The following EPM2A variants were observed in gnomAD, a reference collection of about 807,000 sequenced individuals.
EPM2A encodes the protein EPM2A glucan phosphatase, laforin.
A neutral mutation model predicts 26.5 loss-of-function variants in EPM2A; 21 were observed. That is an observed-to-expected ratio of 0.79 (90% CI 0.56 to 1.14). The LOEUF (loss-of-function observed/expected upper bound fraction) is 1.14. Among genes scored for constraint, EPM2A ranks in the 50% most tolerant of loss-of-function variants. EPM2A has a pLI of 0.00. For synonymous variants in EPM2A, 217 were observed against 177.6 expected (o/e 1.22, Z -1.76); for missense variants, 458 against 440.8 (o/e 1.04, Z -0.35).
At chr6:145,535,656 C>T (rs528285280) in intron 2 of EPM2A, among the ~76,000 whole-genome samples, 1 of 152,296 alleles carries the variant, frequency 6.6e-6, no homozygotes, top group Admixed American at 6.5e-5. Context: ...AAAAATAGCT[C>T]AATTAGCACT....
intron 2 of EPM2A, chr6:145,636,550 G>A (rs1477109683): frequency 2.0e-5 from 3 of 152,054 alleles, no homozygotes; most frequent in Admixed American, 6.6e-5. Flanking sequence ...GAAAGACAGT[G>A]GTGGATCTTC....
intron 3 of EPM2A, chr6:145,502,422 C>A: frequency 2.2e-6 from 1 of 445,312 alleles, no homozygotes; most frequent in Non-Finnish European, 4.5e-6. Flanking sequence ...GCAGTGTCCT[C>A]TGAATGACTG....
chr6:145,702,075 C>A, intron 1 of EPM2A, among the ~76,000 whole-genome samples: 1 of 152,162 alleles, frequency 6.6e-6, no homozygotes, highest in Non-Finnish European at 1.5e-5. Flanking sequence ...CTCTGCCCAA[C>A]AGCATCTCTT....
chr6:145,495,539 C>A (rs57862787), intron 4 of EPM2A, among the ~76,000 whole-genome samples: 5 of 151,982 alleles, frequency 3.3e-5, no homozygotes, highest in Non-Finnish European at 5.9e-5. Flanking sequence ...ATGATGCTAC[C>A]TGATTGTTTT....
chr6:145,604,358 T>A (rs1781455484), intron 2 of EPM2A, among the ~76,000 whole-genome samples: 2 of 152,130 alleles, frequency 1.3e-5, no homozygotes, highest in South Asian at 4.1e-4. Flanking sequence ...ACATATTAGA[T>A]GTTTGGATAC....
chr6:145,641,585 C>T (rs2128569066), intron 2 of EPM2A, among the ~76,000 whole-genome samples: 1 of 152,328 alleles, frequency 6.6e-6, no homozygotes, highest in South Asian at 2.1e-4. Context: ...GTCATTCAAT[C>T]ATCCAGACTC....
chr6:145,478,909 GGTCA>G (rs2114731549), intron 4 of EPM2A, among the ~76,000 whole-genome samples: 1 of 151,642 alleles, frequency 6.6e-6, no homozygotes, highest in African/African-American at 2.4e-5. Context: ...CTTGATTTGT[GGTCA>G]GTTTCTTTGT....
intron 1 of EPM2A, among the ~76,000 whole-genome samples, chr6:145,694,862 G>A (rs1232155239): frequency 6.6e-6 from 1 of 151,912 alleles, no homozygotes; most frequent in Non-Finnish European, 1.5e-5. Flanking sequence ...TACAGTTCCT[G>A]AGATAAAGAA....
intron 1 of EPM2A, among the ~76,000 whole-genome samples, chr6:145,702,008 A>G (rs6901888): frequency 0.63 from 95,769 of 151,926 alleles, 30,654 homozygotes; most frequent in East Asian, 0.74. Flanking sequence ...GAATCTTCTC[A>G]TTCTATTCCT....
intron 2 of EPM2A, among the ~76,000 whole-genome samples, chr6:145,680,363 A>G (rs1346255937): frequency 1.3e-5 from 1 of 79,666 alleles, no homozygotes; most frequent in Non-Finnish European, 2.5e-5. Flanking sequence ...CGTAAGTTTC[A>G]TTTATTTATT....
exon 5 of EPM2A, chr6:145,383,915 T>C (rs989536672): frequency 1.3e-5 from 2 of 152,226 alleles, no homozygotes; most frequent in Non-Finnish European, 2.9e-5. Flanking sequence ...CATATAGATC[T>C]GTTAAATCAT....
intron 4 of EPM2A, among the ~76,000 whole-genome samples, chr6:145,444,702 A>G (rs1779108985): frequency 6.6e-6 from 1 of 152,076 alleles, no homozygotes; most frequent in African/African-American, 2.4e-5. Flanking sequence ...GTTTCTGTTT[A>G]TTGCTTTTGT....
chr6:145,471,767 C>T (rs932779466), intron 4 of EPM2A, among the ~76,000 whole-genome samples: 1 of 152,144 alleles, frequency 6.6e-6, no homozygotes, highest in South Asian at 2.1e-4. Flanking sequence ...CCACAAACCT[C>T]ACCACCTAGG....
At chr6:145,653,740 G>T (rs1429429484) in intron 2 of EPM2A, among the ~76,000 whole-genome samples, 1 of 152,134 alleles carries the variant, frequency 6.6e-6, no homozygotes, top group Admixed American at 6.5e-5. Context: ...CCCTCTTCTG[G>T]GGAAGTCAGT....
rs78248800 is a variant in EPM2A at position 145,489,886 on chromosome 6, T to C, written c.555+12636A>G. The C allele has an allele frequency of 9.7e-4, 1,325 of 1,366,820 alleles. 7 individuals carry two copies. In the African/African-American group the frequency reaches 0.018, roughly 18 times the overall value. The allele number at this position is 1,366,820 out of a possible 1,614,324, so 84.7% of individuals were successfully genotyped here. A position where few individuals can be genotyped will look rare whatever the true frequency, so the allele number is the denominator to read the frequency against. The stretch of plus-strand genomic sequence containing the variant: ...CCATTCAAAGTGAAGCTTCTCTACG[T>C]GTACTTCAGTACCTTCTTCAGTCTG... On this transcript the variant is annotated intron_variant, in intron 4 of 4. Transcript: ENST00000638717.
At chr6:145,408,460 C>T (rs1192141792) in intron 4 of EPM2A, among the ~76,000 whole-genome samples, 1 of 152,162 alleles carries the variant, frequency 6.6e-6, no homozygotes, top group Non-Finnish European at 1.5e-5. Context: ...CCAAAAACCA[C>T]ATTGTCAGGG....
At chr6:145,661,619 T>C (rs938750221) in intron 2 of EPM2A, among the ~76,000 whole-genome samples, 1 of 152,222 alleles carries the variant, frequency 6.6e-6, no homozygotes, top group African/African-American at 2.4e-5. Flanking sequence ...TTACGTGTTC[T>C]TTTTTCAGTA....
chr6:145,424,982 C>CTATT (rs757359809), intron 4 of EPM2A, among the ~76,000 whole-genome samples: 1 of 62,330 alleles, frequency 1.6e-5, no homozygotes, highest in Non-Finnish European at 3.7e-5. Flanking sequence ...AGATCCATAT[C>CTATT]TATCTATTTA....
At chr6:145,676,371 GA>G (rs1780039847) in intron 2 of EPM2A, among the ~76,000 whole-genome samples, 1 of 152,096 alleles carries the variant, frequency 6.6e-6, no homozygotes, top group African/African-American at 2.4e-5. Flanking sequence ...AAGAACTGTA[GA>G]AGCAAGAGCA....
Sources: gnomAD v4.1 joint callset for allele counts (sites outside exome capture counted in the v4.1 genomes callset) on GRCh38, gnomAD v4.1.1 for gene constraint, MANE v1.5 for transcripts, NCBI Gene and HGNC (gene_info 2026-07-23, HGNC 2026-07-21) for gene names.